The following MAN1B1 variants were observed in gnomAD, a reference collection of about 807,000 sequenced individuals.
The protein encoded by MAN1B1 is endoplasmic reticulum mannosyl-oligosaccharide 1,2-alpha-mannosidase.
In MAN1B1, 66 loss-of-function variants were observed where a neutral mutation model predicts 75.5. The ratio of observed to expected loss-of-function variants is 0.87; its 90% confidence interval spans 0.72 to 1.07. The LOEUF is 1.07. MAN1B1 is among the 50% of genes least tolerant of loss of function. MAN1B1 has a pLI of 0.00. For missense variants in MAN1B1, 973 were observed against 912.5 expected (o/e 1.07, Z -0.85); for synonymous variants, 453 against 382.8 (o/e 1.18, Z -2.14).
chr9:137,104,095 T>C (rs1831009092), intron 8 of MAN1B1: 1 of 456,684 alleles, frequency 2.2e-6, no homozygotes, highest in Non-Finnish European at 4.4e-6. Flanking sequence ...GCCCTTTTCA[T>C]CTTAAAACTG....
At position 137,108,130 on chromosome 9, in the gene MAN1B1, G is replaced by A. The variant is rs539361125; in HGVS notation, c.1897-258G>A. ...CTGCCCTGTGCCCTGTGCCCTGTGCGGCAACTGTGAGGCCCCCTGAGCCCA... is the reference window on the plus strand; with the variant it reads ...CTGCCCTGTGCCCTGTGCCCTGTGCAGCAACTGTGAGGCCCCCTGAGCCCA... On this transcript the variant is annotated intron_variant, in intron 12 of 12. Transcript: ENST00000371589. 371 of 610,512 alleles carry A rather than the reference G, an allele frequency of 6.1e-4. 2 individuals are homozygous for A. Among genetic ancestry groups the A allele is most frequent in the Admixed American group, 1.4e-3 (48 of 34,494 alleles). The allele number at this position is 610,512 out of a possible 1,614,324, so 37.8% of individuals were successfully genotyped here. A position where few individuals can be genotyped will look rare whatever the true frequency, so the allele number is the denominator to read the frequency against.
rs939931159 is a variant in MAN1B1 at position 137,109,060 on chromosome 9, A to G, written c.*469A>G. ...GCTGGCTCTGGTGTTTACAAGCTGG[A>G]CTCAGGGATCCTCCTGGCCGCCCCG... On this transcript the variant is annotated 3_prime_UTR_variant, in exon 13 of 13. Transcript: ENST00000371589. 2.2e-6 allele frequency: 1 copy of G among 456,298 alleles called. No individual in the cohort carries two copies. Among genetic ancestry groups the G allele is most frequent in the African/African-American group, 2.0e-5 (1 of 50,050 alleles). 28.3% of individuals were successfully genotyped at this position (456,298 alleles called of 1,614,324 possible).
chr9:137,092,066 A>T (rs1321639064), intron 3 of MAN1B1, among the ~76,000 whole-genome samples: 1 of 152,156 alleles, frequency 6.6e-6, no homozygotes, highest in Non-Finnish European at 1.5e-5. Context: ...CTCTTGAAAC[A>T]CTTGGTATAT....
At chr9:137,093,595 C>G (rs927117728) in intron 3 of MAN1B1, among the ~76,000 whole-genome samples, 7 of 152,280 alleles carry the variant, frequency 4.6e-5, no homozygotes, top group Non-Finnish European at 8.8e-5. Context: ...CTTTGGGAGG[C>G]TGAAGCGGGT....
At position 137,109,080 on chromosome 9, in the gene MAN1B1, GC is replaced by G. The variant is rs1462159175; in HGVS notation, c.*493del. ...GCTGGACTCAGGGATCCTCCTGGCC[GC>G]CCCGCAGGGGGCTTGGAGGGCTGGA... On this transcript the variant is annotated 3_prime_UTR_variant, in exon 13 of 13. Coordinates refer to ENST00000371589, the MANE Select transcript of MAN1B1 (RefSeq NM_016219.5). The G allele has an allele frequency of 2.2e-6, 1 of 455,356 alleles. No homozygotes were observed. The highest frequency in any genetic ancestry group is 4.4e-6 in the Non-Finnish European group (1 of 227,124). 28.2% of individuals were successfully genotyped at this position (455,356 alleles called of 1,614,324 possible). A position where few individuals can be genotyped will look rare whatever the true frequency, so the allele number is the denominator to read the frequency against.
intron 4 of MAN1B1, among the ~76,000 whole-genome samples, chr9:137,097,034 C>G (rs79641667): frequency 2.6e-5 from 4 of 152,160 alleles, no homozygotes; most frequent in African/African-American, 9.7e-5. Context: ...AGATGGGCTC[C>G]GAAGAAACGG....
intron 4 of MAN1B1, among the ~76,000 whole-genome samples, chr9:137,097,006 A>G (rs1830669543): frequency 6.6e-6 from 1 of 152,248 alleles, no homozygotes; most frequent in Non-Finnish European, 1.5e-5. Context: ...GCCTGAGACA[A>G]GCGCTGTCCG....
chr9:137,099,618 T>C, intron 5 of MAN1B1, 78 bp from the exon 6 acceptor site: 1 of 1,493,244 alleles, frequency 6.7e-7, no homozygotes, highest in Admixed American at 1.7e-5. Context: ...GTCACAGCAG[T>C]GCTCTGCCTG....
At position 137,102,189 on chromosome 9, in the gene MAN1B1, C is replaced by T. The variant is rs13298199; in HGVS notation, c.1254+517C>T. 4.9e-5 allele frequency: 21 copies of T among 431,358 alleles called. 1 individual carries two copies. Among genetic ancestry groups the T allele is most frequent in the South Asian group, 2.9e-4 (18 of 62,490 alleles). 26.7% of individuals were successfully genotyped at this position (431,358 alleles called of 1,614,324 possible). A position where few individuals can be genotyped will look rare whatever the true frequency, so the allele number is the denominator to read the frequency against. ...TTCCTGCTGTTGCAGGAGTACAGGT[C>T]GGTGGTGTTACACGTGCTGTTGCAG... is the stretch of plus-strand genomic sequence containing the variant. On this transcript the variant is annotated intron_variant, in intron 8 of 12. Transcript: ENST00000371589.
chr9:137,093,339 A>G (rs980540946), intron 3 of MAN1B1, among the ~76,000 whole-genome samples: 3 of 152,218 alleles, frequency 2.0e-5, no homozygotes, highest in Non-Finnish European at 2.9e-5. Context: ...CGGAGTTCGC[A>G]CCACTGCATT....
rs1221344485 is a variant in MAN1B1, at chr9:137,098,025, G to GC, written c.730+89dup. ...GGCTTCGTCTCAGCCATGGTGGGTG[G>GC]CGCCCCCGCCCTGGTGTGCACCTTG... On this transcript the variant is annotated intron_variant, in intron 5 of 12. Coordinates refer to ENST00000371589, the MANE Select transcript of MAN1B1 (RefSeq NM_016219.5). 262 of 1,030,992 alleles carry GC rather than the reference G, an allele frequency of 2.5e-4. No individual in the cohort carries two copies. In the African/African-American group the frequency reaches 3.1e-3, roughly 12 times the overall value. The allele number at this position is 1,030,992 out of a possible 1,614,324, so 63.9% of individuals were successfully genotyped here.
chr9:137,105,178 G>C (rs1588646986), intron 8 of MAN1B1: 1 of 152,488 alleles, frequency 6.6e-6, no homozygotes, highest in South Asian at 2.1e-4. Context: ...GGTGTATTTT[G>C]ATAGATAACA....
chr9:137,103,867 AG>A (rs1830994927), intron 8 of MAN1B1: 2 of 449,584 alleles, frequency 4.4e-6, no homozygotes, highest in South Asian at 3.1e-5. Flanking sequence ...GCAGGCGTGC[AG>A]GTCAGTGGTG....
chr9:137,106,688 G>A lies in MAN1B1; in HGVS notation c.1446-1G>A. ...AGTGAGATGACTGCTGGTGTCCACA[G>A]GCTGCTGGAAGACTACGTGGAAGCC... On this transcript the variant is annotated splice_acceptor_variant, in intron 9 of 12. Transcript: ENST00000371589. LOFTEE classifies it high-confidence loss of function. The A allele has an allele frequency of 6.2e-7, 1 of 1,613,422 alleles. No homozygotes were observed. The highest frequency in any genetic ancestry group is 8.5e-7 in the Non-Finnish European group (1 of 1,179,990).
intron 4 of MAN1B1, among the ~76,000 whole-genome samples, chr9:137,096,864 G>A (rs969842741): frequency 2.0e-5 from 3 of 152,316 alleles, no homozygotes; most frequent in Middle Eastern, 3.4e-3. Context: ...CCTCGTTTCC[G>A]GCTCCATGTT....
intron 3 of MAN1B1, among the ~76,000 whole-genome samples, chr9:137,091,521 ATTTTTTTT>A (rs964752016): frequency 8.2e-4 from 74 of 89,924 alleles, no homozygotes; most frequent in African/African-American, 2.4e-3. Flanking sequence ...TTTGTTTTAT[ATTTTTTTT>A]TTTTTTTTTT....
chr9:137,107,764 C>T, intron 12 of MAN1B1, 102 bp downstream of exon 12: 2 of 1,581,184 alleles, frequency 1.3e-6, no homozygotes, highest in South Asian at 1.1e-5. Context: ...TGGCTGTGAC[C>T]TGGATCCGGG....
In MAN1B1 at chr9:137,106,896, ATCCTGGCCATGGCGCC is replaced by A. The variant is rs2131129990; in HGVS notation, c.1566+88_1566+103del. 6 of 1,194,416 alleles carry A rather than the reference ATCCTGGCCATGGCGCC, an allele frequency of 5.0e-6. No individual in the cohort carries two copies. The South Asian group carries it at 8.5e-5, about 17-fold the overall frequency. 74.0% of individuals were successfully genotyped at this position (1,194,416 alleles called of 1,614,324 possible). A position where few individuals can be genotyped will look rare whatever the true frequency, so the allele number is the denominator to read the frequency against. On this transcript the variant is annotated intron_variant, in intron 10 of 12. Coordinates refer to ENST00000371589, the MANE Select transcript of MAN1B1 (RefSeq NM_016219.5). Reference sequence around the variant, plus strand: ...GAGTCATGATGTCAAAAAGAACGAAATCCTGGCCATGGCGCCCACGTGGAGGCCCTGGGTGGACCGT... The same window carrying A: ...GAGTCATGATGTCAAAAAGAACGAAACACGTGGAGGCCCTGGGTGGACCGT...
intron 12 of MAN1B1, chr9:137,107,916 T>C (rs1564314436): frequency 3.1e-6 from 2 of 650,908 alleles, no homozygotes; most frequent in Non-Finnish European, 5.6e-6. Flanking sequence ...TCTCAGGGCC[T>C]GTCTAGGGAG....
Sources: allele counts gnomAD v4.1 joint callset (sites outside exome capture counted in the v4.1 genomes callset), GRCh38; gene constraint gnomAD v4.1.1; transcripts MANE v1.5; gene names NCBI Gene and HGNC (gene_info 2026-07-23, HGNC 2026-07-21).